FAM181B: variants seen among roughly 807,000 people sequenced by gnomAD.
FAM181B encodes the protein family with sequence similarity 181 member B, also known as protein FAM181B.
A neutral mutation model predicts 17.8 loss-of-function variants in FAM181B; 13 were observed. The observed-to-expected ratio is 0.73, with a 90% CI of 0.48 to 1.16. FAM181B has a LOEUF of 1.16. FAM181B is among the 50% of genes most tolerant of loss of function. The pLI is 0.00. For missense variants in FAM181B, 725 were observed against 634.1 expected (o/e 1.14, Z -1.54); for synonymous variants, 338 against 316.5 (o/e 1.07, Z -0.72).
chr11:82,731,744 G>GA lies in FAM181B; in HGVS notation c.*704dup. On this transcript the variant is annotated 3_prime_UTR_variant, in exon 1 of 1. Coordinates refer to ENST00000329203, the MANE Select transcript of FAM181B (RefSeq NM_175885.4). ...CAAGAAAAGCCGGCCGAAAGAAATA[G>GA]AATAATGAGAGGCCAGGCAAAGAAA... 6.6e-6 allele frequency: 1 copy of GA among 152,332 alleles called. No homozygotes were observed. The highest frequency in any genetic ancestry group is 1.5e-5 in the Non-Finnish European group (1 of 68,048). 9.4% of individuals were successfully genotyped at this position (152,332 alleles called of 1,614,324 possible). A position where few individuals can be genotyped will look rare whatever the true frequency, so the allele number is the denominator to read the frequency against.
Position 82,732,532 on chromosome 11 carries a change from T to C in FAM181B, c.1198A>G (p.Ser400Gly). ...QVSYDYSAGYSRTAYSSLWRS... is the reference protein window; with the variant it reads ...QVSYDYSAGYGRTAYSSLWRS... Reference sequence around the variant, plus strand: ...CAAAGGCTGGAATAGGCGGTGCGGCTGTAGCCCGCGCTGTAATCGTAGGAC... The same window carrying C: ...CAAAGGCTGGAATAGGCGGTGCGGCCGTAGCCCGCGCTGTAATCGTAGGAC... The change falls in exon 1 of 1, where the codon AGC (serine) becomes GGC (glycine). Residue 400 changes from serine (S) to glycine (G), a missense_variant. Ser to Gly is a moderately conservative substitution (Grantham distance 56). Transcript: ENST00000329203. 7 of 1,612,268 alleles carry C rather than the reference T, an allele frequency of 4.3e-6. No individual in the cohort carries two copies. Among genetic ancestry groups the C allele is most frequent in the Non-Finnish European group, 5.9e-6 (7 of 1,179,760 alleles).
chr11:82,733,836 T>C lies in FAM181B; in HGVS notation c.-107A>G, dbSNP rs1050769846. On this transcript the variant is annotated 5_prime_UTR_variant, in exon 1 of 1. Coordinates refer to ENST00000329203, the MANE Select transcript of FAM181B (RefSeq NM_175885.4). ...CCGGCGCGGCGCGCGCGGCGCAGCC[T>C]ACTAGTTCCGGGCCTGGCTCGCTGC... The C allele has an allele frequency of 7.3e-6, 7 of 953,470 alleles. No individual in the cohort carries two copies. The highest frequency in any genetic ancestry group is 8.0e-6 in the Non-Finnish European group (6 of 754,212). 59.1% of individuals were successfully genotyped at this position (953,470 alleles called of 1,614,324 possible). A position where few individuals can be genotyped will look rare whatever the true frequency, so the allele number is the denominator to read the frequency against.
Position 82,732,570 on chromosome 11 carries a change from G to A in FAM181B, c.1160C>T (p.Pro387Leu). The change falls in exon 1 of 1, where the codon CCG becomes CTG. Residue 387 changes from proline to leucine, a missense_variant. Transcript: ENST00000329203. ...FPDCALPPPP[P>L]PHQVSYDYSA... ...GTAATCGTAGGACACCTGATGGGGC[G>A]GCGGCGGCGGGGGCAGGGCGCAGTC... is the stretch of plus-strand genomic sequence containing the variant. 1 of 1,608,234 alleles carries A rather than the reference G, an allele frequency of 6.2e-7. No individual in the cohort carries two copies. The highest frequency in any genetic ancestry group is 1.1e-5 in the South Asian group (1 of 90,554).
rs776543693 is a variant in FAM181B, at chr11:82,733,461, T to C, written c.269A>G (p.Lys90Arg). The C allele has an allele frequency of 6.9e-6, 11 of 1,596,990 alleles. No individual in the cohort carries two copies. Among genetic ancestry groups the C allele is most frequent in the Middle Eastern group, 1.7e-4 (1 of 6,048 alleles). ...ALDKPGKSKRKVNHRKYLQKQ... is the reference protein window; with the variant it reads ...ALDKPGKSKRRVNHRKYLQKQ... ...CTGCAGGTACTTGCGGTGGTTCACC[T>C]TCCGCTTCGACTTGCCCGGCTTGTC... The change falls in exon 1 of 1, where the codon AAG (lysine) becomes AGG (arginine). Residue 90 changes from lysine (K) to arginine (R), a missense_variant. Physicochemically the swap from Lys to Arg is conservative, Grantham distance 26. Transcript: ENST00000329203.
rs1857132176 is a variant in FAM181B at position 82,731,745 on chromosome 11, A to T, written c.*704T>A. On this transcript the variant is annotated 3_prime_UTR_variant, in exon 1 of 1. Coordinates refer to ENST00000329203, the MANE Select transcript of FAM181B (RefSeq NM_175885.4). ...AAGAAAAGCCGGCCGAAAGAAATAG[A>T]ATAATGAGAGGCCAGGCAAAGAAAG... 1 of 152,262 alleles carries T rather than the reference A, an allele frequency of 6.6e-6. No individual in the cohort carries two copies. The highest frequency in any genetic ancestry group is 1.5e-5 in the Non-Finnish European group (1 of 68,074). The allele number at this position is 152,262 out of a possible 1,614,324, so 9.4% of individuals were successfully genotyped here. A position where few individuals can be genotyped will look rare whatever the true frequency, so the allele number is the denominator to read the frequency against.
Position 82,733,083 on chromosome 11 carries a change from C to G in FAM181B, c.647G>C (p.Gly216Ala). Residue 216 changes from glycine to alanine, a missense_variant, in exon 1 of 1, where the codon GGG (glycine) becomes GCG (alanine). Physicochemically the swap from Gly to Ala is moderately conservative, Grantham distance 60. Coordinates refer to ENST00000329203, the MANE Select transcript of FAM181B (RefSeq NM_175885.4). ...TGCCCGCAGCGGGACCTTCCTGGCC[C>G]CTGGGATCGCCGTGGCCCCCGCGGG... is the stretch of plus-strand genomic sequence containing the variant. ...AGPAGATAIP[G>A]ARKVPLRARN... 1.3e-6 allele frequency: 2 copies of G among 1,507,380 alleles called. No homozygotes were observed. The highest frequency in any genetic ancestry group is 1.8e-6 in the Non-Finnish European group (2 of 1,138,706). The allele number at this position is 1,507,380 out of a possible 1,614,324, so 93.4% of individuals were successfully genotyped here.
rs1380681374 is a variant in FAM181B, at chr11:82,733,149, C to A, written c.581G>T (p.Gly194Val). 2.8e-6 allele frequency: 4 copies of A among 1,413,234 alleles called. No homozygotes were observed. Among genetic ancestry groups the A allele is most frequent in the Non-Finnish European group, 3.7e-6 (4 of 1,092,470 alleles). 87.5% of individuals were successfully genotyped at this position (1,413,234 alleles called of 1,614,324 possible). ...GEVAAPAAGL[G>V]GAGTGGAGGD... is the part of the protein sequence containing the mutation. Reference sequence around the variant, plus strand: ...TCCCGCGCCCCCAGTGCCCGCACCTCCTAGCCCGGCCGCCGGCGCAGCCAC... The same window carrying A: ...TCCCGCGCCCCCAGTGCCCGCACCTACTAGCCCGGCCGCCGGCGCAGCCAC... Residue 194 changes from glycine (G) to valine (V), a missense_variant, in exon 1 of 1, where the codon GGA (glycine) becomes GTA (valine). Transcript: ENST00000329203.
Position 82,732,236 on chromosome 11 carries a change from G to C in FAM181B, c.*213C>G. The C allele has an allele frequency of 1.7e-6, 1 of 586,100 alleles. No homozygotes were observed. The highest frequency in any genetic ancestry group is 3.0e-6 in the Non-Finnish European group (1 of 337,166). The allele number at this position is 586,100 out of a possible 1,614,324, so 36.3% of individuals were successfully genotyped here. A position where few individuals can be genotyped will look rare whatever the true frequency, so the allele number is the denominator to read the frequency against. On this transcript the variant is annotated 3_prime_UTR_variant, in exon 1 of 1. Coordinates refer to ENST00000329203, the MANE Select transcript of FAM181B (RefSeq NM_175885.4). Reference sequence around the variant, plus strand: ...CCAGTAAGAACCTACAAACGTGTTTGTTTGTTTTTGTTTTAACACTTGAGG... The same window carrying C: ...CCAGTAAGAACCTACAAACGTGTTTCTTTGTTTTTGTTTTAACACTTGAGG...
In FAM181B at chr11:82,732,625, G is replaced by A. The variant is rs1857146665; in HGVS notation, c.1105C>T (p.His369Tyr). The change falls in exon 1 of 1, where the codon CAT becomes TAT. Residue 369 changes from histidine (H) to tyrosine (Y), a missense_variant. His to Tyr is a moderately conservative substitution (Grantham distance 83). Transcript: ENST00000329203. ...DSPGGEDGRG[H>Y]LASFAPFFPD... ...AAGAAGGGGGCGAAAGAGGCCAAAT[G>A]GCCCCGCCCGTCCTCCCCGCCGGGA... 3.9e-6 allele frequency: 6 copies of A among 1,538,560 alleles called. No homozygotes were observed. In the Admixed American group the frequency reaches 8.0e-5, roughly 21 times the overall value.
rs1285545223 is a variant in FAM181B at position 82,731,429 on chromosome 11, T to C, written c.*1020A>G. ...CCCCCCGCCAAAAAAGGCATGGGAC[T>C]CACAACTCTGTTTCCGTGTGTAGAA... On this transcript the variant is annotated 3_prime_UTR_variant, in exon 1 of 1. Transcript: ENST00000329203. 1 of 152,228 alleles carries C rather than the reference T, an allele frequency of 6.6e-6. No individual in the cohort carries two copies. The highest frequency in any genetic ancestry group is 1.5e-5 in the Non-Finnish European group (1 of 68,070). 9.4% of individuals were successfully genotyped at this position (152,228 alleles called of 1,614,324 possible). A position where few individuals can be genotyped will look rare whatever the true frequency, so the allele number is the denominator to read the frequency against.
In FAM181B at chr11:82,731,679, C is replaced by T. The variant is rs1377963151; in HGVS notation, c.*770G>A. The stretch of plus-strand genomic sequence containing the variant: ...GGAAAAGACAGGAGAGAAATGGAAC[C>T]CAGGTTTGCCAAATTTAAGTCTCCT... On this transcript the variant is annotated 3_prime_UTR_variant, in exon 1 of 1. Coordinates refer to ENST00000329203, the MANE Select transcript of FAM181B (RefSeq NM_175885.4). The T allele has an allele frequency of 2.0e-5, 3 of 152,096 alleles. No homozygotes were observed. Among genetic ancestry groups the T allele is most frequent in the African/African-American group, 7.2e-5 (3 of 41,398 alleles). The allele number at this position is 152,096 out of a possible 1,614,324, so 9.4% of individuals were successfully genotyped here.
At position 82,732,647 on chromosome 11, in the gene FAM181B, G is replaced by A. The variant is rs759277185; in HGVS notation, c.1083C>T (p.Pro361=). The A allele has an allele frequency of 1.5e-5, 23 of 1,501,750 alleles. No homozygotes were observed. Among genetic ancestry groups the A allele is most frequent in the Non-Finnish European group, 1.8e-5 (20 of 1,123,704 alleles). The allele number at this position is 1,501,750 out of a possible 1,614,324, so 93.0% of individuals were successfully genotyped here. A position where few individuals can be genotyped will look rare whatever the true frequency, so the allele number is the denominator to read the frequency against. ...SPLYPAAADS[P]GGEDGRGHLA... The stretch of plus-strand genomic sequence containing the variant: ...AATGGCCCCGCCCGTCCTCCCCGCC[G>A]GGAGAATCCGCAGCGGCGGGGTACA... Residue 361 remains proline, a synonymous_variant, in exon 1 of 1, where the codon CCC becomes CCT. Transcript: ENST00000329203.
rs1355434440 is a variant in FAM181B, at chr11:82,732,464, C to G, written c.1266G>C (p.Gly422=). ...GVWEGAPGEE[G]AHRD is the part of the protein sequence containing the mutation. ...TGCCTCGAAGTCAGTCCCGGTGCGC[C>G]CCCTCCTCCCCCGGCGCCCCTTCCC... Residue 422 remains glycine, a synonymous_variant, in exon 1 of 1, where the codon GGG becomes GGC. Transcript: ENST00000329203. The G allele has an allele frequency of 1.9e-6, 3 of 1,612,778 alleles. No individual in the cohort carries two copies. The highest frequency in any genetic ancestry group is 2.5e-6 in the Non-Finnish European group (3 of 1,179,930).
rs1379043635 is a variant in FAM181B at position 82,732,921 on chromosome 11, G to A, written c.809C>T (p.Pro270Leu). Residue 270 changes from proline to leucine, a missense_variant, in exon 1 of 1, where the codon CCC (proline) becomes CTC (leucine). Coordinates refer to ENST00000329203, the MANE Select transcript of FAM181B (RefSeq NM_175885.4). ...CGCCTCCGTGCCGGCGCCGTAGTCGGGCCCCAGCAGCTCAAAGAACTCCAC... is the reference window on the plus strand; with the variant it reads ...CGCCTCCGTGCCGGCGCCGTAGTCGAGCCCCAGCAGCTCAAAGAACTCCAC... Reference protein sequence around the residue: ...EAVEFFELLGPDYGAGTEAAV... With the variant: ...EAVEFFELLGLDYGAGTEAAV... The A allele has an allele frequency of 6.4e-7, 1 of 1,567,062 alleles. No homozygotes were observed. The highest frequency in any genetic ancestry group is 8.6e-7 in the Non-Finnish European group (1 of 1,162,114).
chr11:82,730,477 CTG>C lies in FAM181B; in HGVS notation c.*1970_*1971del, dbSNP rs1245996704. 6.6e-6 allele frequency: 1 copy of C among 152,348 alleles called. No individual in the cohort carries two copies. The highest frequency in any genetic ancestry group is 1.5e-5 in the Non-Finnish European group (1 of 68,034). 9.4% of individuals were successfully genotyped at this position (152,348 alleles called of 1,614,324 possible). ...TCACAGGGTTATTAATGTTTTCCTA[CTG>C]TGCAAGTGTATCCTGGATTGTATTC... is the stretch of plus-strand genomic sequence containing the variant. On this transcript the variant is annotated 3_prime_UTR_variant, in exon 1 of 1. Coordinates refer to ENST00000329203, the MANE Select transcript of FAM181B (RefSeq NM_175885.4).
rs1328898488 is a variant in FAM181B, at chr11:82,733,282, C to T, written c.448G>A (p.Glu150Lys). 9.0e-6 allele frequency: 11 copies of T among 1,221,646 alleles called. No homozygotes were observed. The highest frequency in any genetic ancestry group is 1.1e-5 in the Non-Finnish European group (11 of 982,750). 75.7% of individuals were successfully genotyped at this position (1,221,646 alleles called of 1,614,324 possible). ...PAHGKAAPRR[E>K]ASQAAAAASL... is the part of the protein sequence containing the mutation. ...GCGGCCGCGGCGGCCTGCGACGCCTCCCGCCGGGGGGCAGCCTTGCCGTGG... is the reference window on the plus strand; with the variant it reads ...GCGGCCGCGGCGGCCTGCGACGCCTTCCGCCGGGGGGCAGCCTTGCCGTGG... Residue 150 changes from glutamate (E) to lysine (K), a missense_variant, in exon 1 of 1, where the codon GAG becomes AAG. Transcript: ENST00000329203.
At position 82,732,567 on chromosome 11, in the gene FAM181B, G is replaced by T. The variant is rs1204170233; in HGVS notation, c.1163C>A (p.Pro388His). 1 of 1,599,468 alleles carries T rather than the reference G, an allele frequency of 6.3e-7. No homozygotes were observed. Among genetic ancestry groups the T allele is most frequent in the African/African-American group, 1.3e-5 (1 of 74,326 alleles). ...PDCALPPPPP[P>H]HQVSYDYSAG... ...GCTGTAATCGTAGGACACCTGATGG[G>T]GCGGCGGCGGCGGGGGCAGGGCGCA... The change falls in exon 1 of 1, where the codon CCC (proline) becomes CAC (histidine). Residue 388 changes from proline to histidine, a missense_variant. Coordinates refer to ENST00000329203, the MANE Select transcript of FAM181B (RefSeq NM_175885.4).
rs1857145903 is a variant in FAM181B, at chr11:82,732,598, GA to G, written c.1131del (p.Pro378GlnfsTer110). The G allele has an allele frequency of 1.3e-6, 2 of 1,592,628 alleles. No homozygotes were observed. The highest frequency in any genetic ancestry group is 4.5e-5 in the East Asian group (2 of 43,976). On this transcript the variant is annotated frameshift_variant, in exon 1 of 1. Coordinates refer to ENST00000329203, the MANE Select transcript of FAM181B (RefSeq NM_175885.4). LOFTEE classifies it high-confidence loss of function. ...GGCGGCGGGGGCAGGGCGCAGTCTG[GA>G]AAGAAGGGGGCGAAAGAGGCCAAAT... ...RGHLASFAPF[F>X]PDCALPPPPP... is the part of the protein sequence containing the mutation.
At position 82,730,141 on chromosome 11, in the gene FAM181B, G is replaced by A. The variant is rs1487520087; in HGVS notation, c.*2308C>T. ...TCCCTCACTATCACAAGAACAGCATGGAGGAAACCACCCCCATGATCCAAT... is the reference window on the plus strand; with the variant it reads ...TCCCTCACTATCACAAGAACAGCATAGAGGAAACCACCCCCATGATCCAAT... On this transcript the variant is annotated 3_prime_UTR_variant, in exon 1 of 1. Transcript: ENST00000329203. 1 of 152,126 alleles carries A rather than the reference G, an allele frequency of 6.6e-6. No individual in the cohort carries two copies. The highest frequency in any genetic ancestry group is 1.5e-5 in the Non-Finnish European group (1 of 68,044). The allele number at this position is 152,126 out of a possible 1,614,324, so 9.4% of individuals were successfully genotyped here. A position where few individuals can be genotyped will look rare whatever the true frequency, so the allele number is the denominator to read the frequency against.
Sources: gnomAD v4.1 joint callset for allele counts on GRCh38, gnomAD v4.1.1 for gene constraint, MANE v1.5 for transcripts, NCBI Gene and HGNC (gene_info 2026-07-23, HGNC 2026-07-21) for gene names.